The following CNTNAP5 variants were observed in gnomAD, a reference collection of about 807,000 sequenced individuals.
The protein encoded by CNTNAP5 is contactin associated protein family member 5, also known as contactin-associated protein-like 5.
In CNTNAP5, 72 loss-of-function variants were observed where a neutral mutation model predicts 150.2. The ratio of observed to expected loss-of-function variants is 0.48; its 90% CI spans 0.40 to 0.58. CNTNAP5 has a LOEUF of 0.58. CNTNAP5 is among the 20% of genes least tolerant of loss of function. The pLI is 0.00. For synonymous variants in CNTNAP5, 672 were observed against 619.8 expected (o/e 1.08, Z -1.25); for missense variants, 1,636 against 1,626.2 (o/e 1.01, Z -0.10).
chr2:124,055,859 C>T (rs1310348753), intron 1 of CNTNAP5, among the ~76,000 whole-genome samples: 2 of 152,154 alleles, frequency 1.3e-5, no homozygotes, highest in Non-Finnish European at 2.9e-5. Context: ...CCTTCGTCAT[C>T]TTCCCCCCAT....
chr2:124,367,757 A>C (rs1246947585), intron 3 of CNTNAP5, among the ~76,000 whole-genome samples: 1 of 152,200 alleles, frequency 6.6e-6, no homozygotes, highest in Non-Finnish European at 1.5e-5. Context: ...CGTGAAGGAA[A>C]ATTACAAAAT....
At chr2:124,062,206 A>T (rs567580696) in intron 1 of CNTNAP5, among the ~76,000 whole-genome samples, 1 of 152,298 alleles carries the variant, frequency 6.6e-6, no homozygotes, top group South Asian at 2.1e-4. Flanking sequence ...TTTGTCCTAC[A>T]TGCAAAACTC....
chr2:124,443,813 CGTGTGTGTGTGTGTGTGTGTGTGTGT>C (rs3034804), intron 5 of CNTNAP5, among the ~76,000 whole-genome samples: 1 of 143,736 alleles, frequency 7.0e-6, no homozygotes, highest in Non-Finnish European at 1.5e-5. Flanking sequence ...AATTCCTTGC[CGTGTGTGTGTGTGTGTGTGTGTGTGT>C]GTGTGTGTGT....
At chr2:124,328,015 T>C (rs1039793305) in intron 3 of CNTNAP5, among the ~76,000 whole-genome samples, 3 of 152,162 alleles carry the variant, frequency 2.0e-5, no homozygotes, top group Admixed American at 1.3e-4. Context: ...GATTGCCATA[T>C]AGAATGTGCT....
chr2:124,898,910 G>C (rs1412762195), intron 21 of CNTNAP5, among the ~76,000 whole-genome samples: 1 of 151,582 alleles, frequency 6.6e-6, no homozygotes, highest in East Asian at 1.9e-4. Context: ...TTAGTCAAAG[G>C]ATGAACATTT....
At position 124,342,265 on chromosome 2, in the gene CNTNAP5, G is replaced by C. The variant is rs773043712; in HGVS notation, c.382-75178G>C. On this transcript the variant is annotated intron_variant, in intron 3 of 23. Coordinates refer to ENST00000682447, the MANE Select transcript of CNTNAP5 (RefSeq NM_001367498.1). ...GAATCTCAAATTAGGCTTTTAAAAG[G>C]CCTCTTACAGGTGTGCAGCCAAGCC... 2.6e-5 allele frequency among the ~76,000 whole-genome samples: 4 copies of C among 152,080 alleles called. No homozygotes were observed. The East Asian group carries it at 7.7e-4, about 29-fold the overall frequency.
chr2:124,573,578 T>C (rs1696213052), intron 11 of CNTNAP5, among the ~76,000 whole-genome samples: 1 of 152,248 alleles, frequency 6.6e-6, no homozygotes, highest in Non-Finnish European at 1.5e-5. Context: ...CATTGGAGAA[T>C]CATTGATATT....
At chr2:124,158,175 G>T (rs1185586164) in intron 1 of CNTNAP5, among the ~76,000 whole-genome samples, 2 of 152,144 alleles carry the variant, frequency 1.3e-5, no homozygotes, top group East Asian at 1.9e-4. Context: ...AGTCAATTTG[G>T]CCTTTTCTAT....
rs1187961580 is a variant in CNTNAP5, at chr2:124,423,652, C to CTTTTTTTTTTT, written c.529+6082_529+6092dup. ...TGAGCCACTGCGCCCGGCTAATTAA[C>CTTTTTTTTTTT]TTTTTTTTTTTTTTTTTTTTTTTTT... On this transcript the variant is annotated intron_variant, in intron 4 of 23. Coordinates refer to ENST00000682447, the MANE Select transcript of CNTNAP5 (RefSeq NM_001367498.1). Among the ~76,000 whole-genome samples, 6 of 41,594 alleles carry CTTTTTTTTTTT rather than the reference C, an allele frequency of 1.4e-4. 1 individual carries two copies. The highest frequency in any genetic ancestry group is 4.7e-4 in the Admixed American group (1 of 2,116). 27.3% of individuals were successfully genotyped at this position (41,594 alleles called of 152,430 possible). A position where few individuals can be genotyped will look rare whatever the true frequency, so the allele number is the denominator to read the frequency against.
chr2:124,516,838 T>A, intron 8 of CNTNAP5, among the ~76,000 whole-genome samples: 1 of 152,028 alleles, frequency 6.6e-6, no homozygotes, highest in East Asian at 1.9e-4. Flanking sequence ...TTAGAAATTT[T>A]ATGGAGGAAT....
At chr2:124,146,242 C>T (rs1159335707) in intron 1 of CNTNAP5, among the ~76,000 whole-genome samples, 1 of 152,132 alleles carries the variant, frequency 6.6e-6, no homozygotes, top group Non-Finnish European at 1.5e-5. Context: ...TGCCTAGATG[C>T]CTAACTGTGC....
chr2:124,650,977 T>C (rs1348400483), intron 13 of CNTNAP5, among the ~76,000 whole-genome samples: 1 of 152,204 alleles, frequency 6.6e-6, no homozygotes, highest in African/African-American at 2.4e-5. Context: ...CGAGTATGCA[T>C]ATTTTTAAGA....
intron 19 of CNTNAP5, among the ~76,000 whole-genome samples, chr2:124,807,457 T>C (rs1277462274): frequency 6.6e-6 from 1 of 152,196 alleles, no homozygotes; most frequent in Non-Finnish European, 1.5e-5. Flanking sequence ...GTGCTGAGTA[T>C]GTGCCAAGGC....
At chr2:124,485,473 C>T (rs76025812) in intron 7 of CNTNAP5, among the ~76,000 whole-genome samples, 31,557 of 151,518 alleles carry the variant, frequency 0.21, 3,618 homozygotes, top group East Asian at 0.34. Context: ...ATTAACCAGG[C>T]GTGGTGGCGG....
chr2:124,912,995 T>A (rs1169687072), intron 23 of CNTNAP5, among the ~76,000 whole-genome samples: 1 of 152,050 alleles, frequency 6.6e-6, no homozygotes, highest in African/African-American at 2.4e-5. Context: ...ACAAAATGAT[T>A]TAGGAACATA....
intron 13 of CNTNAP5, among the ~76,000 whole-genome samples, chr2:124,658,410 C>A (rs937429128): frequency 1.3e-5 from 2 of 151,682 alleles, no homozygotes; most frequent in Admixed American, 6.6e-5. Context: ...ATATTCACCA[C>A]ACAAAGTTAG....
chr2:124,660,875 C>G (rs1410297165), intron 13 of CNTNAP5, among the ~76,000 whole-genome samples: 2 of 145,330 alleles, frequency 1.4e-5, no homozygotes, highest in African/African-American at 5.1e-5. Flanking sequence ...ACCCGGAAGG[C>G]AGAGGTTGCA....
intron 9 of CNTNAP5, 104 bp downstream of exon 9, chr2:124,524,556 C>G: frequency 9.1e-7 from 1 of 1,102,764 alleles, no homozygotes; most frequent in Non-Finnish European, 1.3e-6. Flanking sequence ...AGACAATTCT[C>G]CCAACACACA....
chr2:124,464,506 A>C (rs1693330366), intron 6 of CNTNAP5, among the ~76,000 whole-genome samples: 1 of 152,184 alleles, frequency 6.6e-6, no homozygotes, highest in South Asian at 2.1e-4. Context: ...ATAAGGCATG[A>C]TATGTACTAC....
Sources: allele counts gnomAD v4.1 joint callset (sites outside exome capture counted in the v4.1 genomes callset), GRCh38; gene constraint gnomAD v4.1.1; transcripts MANE v1.5; gene names NCBI Gene and HGNC (gene_info 2026-07-23, HGNC 2026-07-21).